The following PSPC1 variants were observed in gnomAD, a reference collection of about 807,000 sequenced individuals.
PSPC1 encodes the protein paraspeckle protein 1.
In PSPC1, 14 loss-of-function variants were observed where a neutral mutation model predicts 51.6. That is an observed-to-expected ratio of 0.27 (90% CI 0.18 to 0.42). The LOEUF is 0.42. Among genes scored for constraint, PSPC1 ranks in the 10% least tolerant of loss-of-function variants. PSPC1 has a pLI of 1.00. For missense variants in PSPC1, 406 were observed against 701.1 expected (o/e 0.58, Z 4.75); for synonymous variants, 193 against 231.9 (o/e 0.83, Z 1.53).
intron 5 of PSPC1, among the ~76,000 whole-genome samples, chr13:19,733,170 A>T (rs1239631058): frequency 6.6e-6 from 1 of 152,192 alleles, no homozygotes; most frequent in Non-Finnish European, 1.5e-5. Context: ...AGGACACATT[A>T]ATCAGTTATA....
chr13:19,737,373 C>T (rs1219332445), intron 5 of PSPC1: 2 of 152,114 alleles, frequency 1.3e-5, no homozygotes, highest in African/African-American at 4.8e-5. Flanking sequence ...CTTTCATGAA[C>T]CTGACACTAT....
At chr13:19,690,664 G>T (rs540667823) in intron 6 of PSPC1, among the ~76,000 whole-genome samples, 57 of 152,158 alleles carry the variant, frequency 3.7e-4, no homozygotes, top group African/African-American at 1.3e-3. Context: ...TCAATACAAA[G>T]AACATACACC....
chr13:19,686,937 C>G lies in PSPC1; in HGVS notation c.1159-9114G>C, dbSNP rs532975932. On this transcript the variant is annotated intron_variant and NMD_transcript_variant, in intron 6 of 7. Coordinates refer to the PSPC1 transcript ENST00000471658. ...TAGGGGTGGGCGCGGTGGCTCATGC[C>G]TGTAATCCCTGCACTTTGGGAGGCC... is the stretch of plus-strand genomic sequence containing the variant. Among the ~76,000 whole-genome samples, 63 of 152,256 alleles carry G rather than the reference C, an allele frequency of 4.1e-4. 2 individuals carry two copies. The South Asian group carries it at 0.013, about 31-fold the overall frequency.
At chr13:19,730,967 A>AAAAAAAC (rs1884016262) in intron 5 of PSPC1, among the ~76,000 whole-genome samples, 1 of 140,454 alleles carries the variant, frequency 7.1e-6, no homozygotes, top group Non-Finnish European at 1.6e-5. Flanking sequence ...CAAAAAAACA[A>AAAAAAAC]AAAAAAAAAA....
At chr13:19,713,545 C>CAAAAAAAAAAA (rs61024238) in intron 6 of PSPC1, among the ~76,000 whole-genome samples, 37 of 87,142 alleles carry the variant, frequency 4.2e-4, no homozygotes, top group East Asian at 7.2e-4. Context: ...CCCAGACAGC[C>CAAAAAAAAAAA]AAAAAAAAAA....
intron 1 of PSPC1, among the ~76,000 whole-genome samples, chr13:19,777,360 G>A (rs1014503170): frequency 1.3e-5 from 2 of 149,314 alleles, no homozygotes; most frequent in African/African-American, 2.5e-5. Context: ...AGTCCAGGAG[G>A]CGGGGGTTGC....
rs189648177 is a variant in PSPC1, at chr13:19,766,012, T to C, written c.674+6230A>G. ...ATCCCTTTCAAATATAAATATAAAA[T>C]AGGAAAAGTACAAAATTATTTTTGT... On this transcript the variant is annotated intron_variant, in intron 2 of 8. Transcript: ENST00000338910. Among the ~76,000 whole-genome samples the C allele has an allele frequency of 1.7e-4, 26 of 152,146 alleles. No individual in the cohort carries two copies. In the East Asian group the frequency reaches 2.5e-3, roughly 15 times the overall value.
chr13:19,709,747 T>C lies in PSPC1; in HGVS notation c.1159-148A>G, dbSNP rs1277943328. 35 of 661,190 alleles carry C rather than the reference T, an allele frequency of 5.3e-5. 1 individual carries two copies. Among genetic ancestry groups the C allele is most frequent in the East Asian group, 4.7e-4 (17 of 35,882 alleles). The allele number at this position is 661,190 out of a possible 1,614,324, so 41.0% of individuals were successfully genotyped here. A position where few individuals can be genotyped will look rare whatever the true frequency, so the allele number is the denominator to read the frequency against. ...TCCATCATCATAAACTTAATAAGAA[T>C]GCTGAAAAGAAACTTCAGTCTCCCA... is the stretch of plus-strand genomic sequence containing the variant. On this transcript the variant is annotated intron_variant, in intron 6 of 8. Transcript: ENST00000338910.
At chr13:19,780,191 G>T (rs1889786851) in intron 1 of PSPC1, among the ~76,000 whole-genome samples, 2 of 131,824 alleles carry the variant, frequency 1.5e-5, no homozygotes, top group Admixed American at 7.6e-5. Flanking sequence ...GAGGTGGGGG[G>T]GGTCAGCCCC....
At chr13:19,708,596 C>T (rs1165734621) in intron 7 of PSPC1, among the ~76,000 whole-genome samples, 1 of 152,174 alleles carries the variant, frequency 6.6e-6, no homozygotes, top group Admixed American at 6.5e-5. Context: ...ACTAAAGTTG[C>T]TAATATGCTT....
chr13:19,704,142 T>C (rs1880317838), intron 8 of PSPC1, among the ~76,000 whole-genome samples: 1 of 152,276 alleles, frequency 6.6e-6, no homozygotes, highest in East Asian at 1.9e-4. Flanking sequence ...GGACAGTTAA[T>C]GTTACTTCTA....
intron 1 of PSPC1, among the ~76,000 whole-genome samples, chr13:19,773,918 A>G (rs948668227): frequency 3.9e-5 from 6 of 152,088 alleles, no homozygotes; most frequent in African/African-American, 1.2e-4. Context: ...TTAGCCTCCC[A>G]AAGTGTAAGA....
At chr13:19,760,465 T>C (rs889607479) in intron 2 of PSPC1, among the ~76,000 whole-genome samples, 2 of 150,638 alleles carry the variant, frequency 1.3e-5, no homozygotes, top group African/African-American at 2.4e-5. Flanking sequence ...GAGGCAGAGG[T>C]TGCAGTGAGT....
At chr13:19,672,782 A>C (rs1876208727), downstream of PSPC1, 4 of 229,466 alleles carry the variant, frequency 1.7e-5, no homozygotes, top group East Asian at 3.9e-4. Flanking sequence ...CCAGTACACT[A>C]TGAGACCTAA....
intron 8 of PSPC1, 114 bp downstream of exon 8, chr13:19,705,547 CT>C (rs1565976799): frequency 1.4e-6 from 1 of 720,758 alleles, no homozygotes; most frequent in East Asian, 3.0e-5. Context: ...ACAAAATTTT[CT>C]TCTTCATTGG....
intron 6 of PSPC1, among the ~76,000 whole-genome samples, chr13:19,684,802 C>T (rs1877673475): frequency 6.6e-6 from 1 of 152,174 alleles, no homozygotes; most frequent in African/African-American, 2.4e-5. Flanking sequence ...TTCTGCTGCC[C>T]CATTTGGCAT....
At chr13:19,739,162 C>T (rs1031483735) in intron 5 of PSPC1, among the ~76,000 whole-genome samples, 1 of 152,140 alleles carries the variant, frequency 6.6e-6, no homozygotes, top group African/African-American at 2.4e-5. Context: ...GATATCCAGT[C>T]AACACACTAT....
At chr13:19,708,796 T>C (rs1481476751) in intron 7 of PSPC1, among the ~76,000 whole-genome samples, 1 of 152,074 alleles carries the variant, frequency 6.6e-6, no homozygotes, top group Non-Finnish European at 1.5e-5. Context: ...AAGATAGAAA[T>C]GTATAAAACG....
chr13:19,684,378 TTTTC>T (rs1182761959), intron 6 of PSPC1, among the ~76,000 whole-genome samples: 1 of 152,174 alleles, frequency 6.6e-6, no homozygotes, highest in Non-Finnish European at 1.5e-5. Flanking sequence ...GCCTCCACTA[TTTTC>T]TTTAAAAGTT....
Sources: gnomAD v4.1 joint callset for allele counts (sites outside exome capture counted in the v4.1 genomes callset) on GRCh38, gnomAD v4.1.1 for gene constraint, MANE v1.5 for transcripts, NCBI Gene and HGNC (gene_info 2026-07-23, HGNC 2026-07-21) for gene names.